The following CDKL3 variants were observed in gnomAD, a reference collection of about 807,000 sequenced individuals.
CDKL3 encodes the protein cyclin dependent kinase like 3, also known as cyclin-dependent kinase-like 3.
Under a neutral mutation model 69.3 loss-of-function variants are expected in CDKL3, and 65 were observed. The observed-to-expected ratio is 0.94, with a 90% CI of 0.77 to 1.15. CDKL3 has a LOEUF of 1.15. Ranked by LOEUF, CDKL3 falls within the 50% of genes most tolerant of loss-of-function variation. The probability of loss-of-function intolerance (pLI) is 0.00; values close to 1 mark genes in which losing one functional copy is unlikely to be tolerated. For missense variants in CDKL3, 652 were observed against 689.2 expected (o/e 0.95, Z 0.61); for synonymous variants, 202 against 221.6 (o/e 0.91, Z 0.79).
chr5:134,371,498 C>CGGA (rs1232743216), upstream of CDKL3: 2 of 1,390,934 alleles, frequency 1.4e-6, no homozygotes, highest in East Asian at 2.9e-5. Context: ...GCGGCGGCGG[C>CGGA]GGCGGCGATC....
At chr5:134,371,536 G>A (rs1581313974), upstream of CDKL3, 1 of 1,586,996 alleles carries the variant, frequency 6.3e-7, no homozygotes, top group Non-Finnish European at 8.6e-7. Context: ...CGCGCCGGGG[G>A]GTGGGGGGGC....
chr5:134,370,532 C>T (rs1422686732), upstream of CDKL3, among the ~76,000 whole-genome samples: 2 of 152,166 alleles, frequency 1.3e-5, no homozygotes, highest in Non-Finnish European at 2.9e-5. Context: ...AGACTGCACC[C>T]CCACATTCCT....
At chr5:134,326,795 G>A (rs1467192767) in intron 4 of CDKL3, among the ~76,000 whole-genome samples, 1 of 142,742 alleles carries the variant, frequency 7.0e-6, no homozygotes, top group Admixed American at 7.3e-5. Flanking sequence ...TAAAGCGTGT[G>A]TGTATATATA....
chr5:134,348,375 T>C (rs1302475837), intron 4 of CDKL3, among the ~76,000 whole-genome samples: 2 of 152,202 alleles, frequency 1.3e-5, no homozygotes, highest in Admixed American at 1.3e-4. Context: ...GGTGGAGCTA[T>C]CCATTTGTTA....
intron 4 of CDKL3, among the ~76,000 whole-genome samples, chr5:134,347,589 G>A (rs1157862885): frequency 6.6e-6 from 1 of 151,438 alleles, no homozygotes. Context: ...TAAAGTGCTG[G>A]CTGGGCACGG....
intron 6 of CDKL3, among the ~76,000 whole-genome samples, chr5:134,316,405 C>G (rs1771072847): frequency 6.6e-6 from 1 of 152,132 alleles, no homozygotes; most frequent in African/African-American, 2.4e-5. Context: ...CAAGACCAGC[C>G]TGGCCAAGAC....
At chr5:134,295,385 T>C (rs890111721), downstream of CDKL3, among the ~76,000 whole-genome samples, 13 of 152,294 alleles carry the variant, frequency 8.5e-5, no homozygotes, top group Non-Finnish European at 1.5e-4. Context: ...AAAATTCCAG[T>C]AGGCATTTTT....
At chr5:134,323,053 C>G (rs540224354) in intron 4 of CDKL3, among the ~76,000 whole-genome samples, 44 of 151,394 alleles carry the variant, frequency 2.9e-4, no homozygotes, top group African/African-American at 9.7e-4. Context: ...GATAAACTGT[C>G]AAGTGAAAAA....
At chr5:134,293,668 T>C (rs1369792722), downstream of CDKL3, among the ~76,000 whole-genome samples, 1 of 151,476 alleles carries the variant, frequency 6.6e-6, no homozygotes, top group Non-Finnish European at 1.5e-5. Context: ...GATATGGCGG[T>C]GTACACCTGT....
chr5:134,334,238 A>G (rs1017441851), intron 4 of CDKL3, among the ~76,000 whole-genome samples: 1 of 151,872 alleles, frequency 6.6e-6, no homozygotes, highest in Non-Finnish European at 1.5e-5. Context: ...TATTTTGTTG[A>G]TCTTTTCAAA....
intron 2 of CDKL3, among the ~76,000 whole-genome samples, chr5:134,365,964 C>G (rs1392641018): frequency 6.6e-6 from 1 of 152,154 alleles, no homozygotes; most frequent in African/African-American, 2.4e-5. Flanking sequence ...GATTCCTTGG[C>G]ATTTATTATG....
chr5:134,341,996 G>A (rs1750618993), intron 4 of CDKL3, among the ~76,000 whole-genome samples: 2 of 152,150 alleles, frequency 1.3e-5, no homozygotes, highest in Admixed American at 1.3e-4. Context: ...GGAGAAAGCT[G>A]TTCTCCTTTC....
At position 134,366,940 on chromosome 5, in the gene CDKL3, G is replaced by T. The variant is rs989778127; in HGVS notation, c.-22+37C>A. On this transcript the variant is annotated intron_variant, in intron 1 of 12. Coordinates refer to ENST00000265334, the MANE Select transcript of CDKL3 (RefSeq NM_001113575.2). ...AAGGTCCTAAAAAAAGCCTGGTCTC[G>T]CCCGCAACTCAAACCACACGTCTTA... 6 of 990,912 alleles carry T rather than the reference G, an allele frequency of 6.1e-6. No homozygotes were observed. The South Asian group carries it at 1.8e-4, about 30-fold the overall frequency. The allele number at this position is 990,912 out of a possible 1,614,324, so 61.4% of individuals were successfully genotyped here. A position where few individuals can be genotyped will look rare whatever the true frequency, so the allele number is the denominator to read the frequency against.
At chr5:134,351,845 T>C (rs551378447) in intron 3 of CDKL3, among the ~76,000 whole-genome samples, 53 of 152,206 alleles carry the variant, frequency 3.5e-4, no homozygotes, top group Non-Finnish European at 5.6e-4. Flanking sequence ...TATGTATACA[T>C]TGTAAAATTA....
chr5:134,319,644 T>C lies in CDKL3; in HGVS notation c.653-147A>G, dbSNP rs1772205664. The C allele has an allele frequency of 6.3e-6, 5 of 794,934 alleles. No homozygotes were observed. In the South Asian group the frequency reaches 8.2e-5, roughly 13 times the overall value. 49.2% of individuals were successfully genotyped at this position (794,934 alleles called of 1,614,324 possible). On this transcript the variant is annotated intron_variant, in intron 5 of 12. Coordinates refer to ENST00000265334, the MANE Select transcript of CDKL3 (RefSeq NM_001113575.2). ...TGTATTTTAATTTTTTGAAGTTGAATAAAAACTATCTGAACATGTCATAAA... is the reference window on the plus strand; with the variant it reads ...TGTATTTTAATTTTTTGAAGTTGAACAAAAACTATCTGAACATGTCATAAA...
chr5:134,345,287 C>T (rs1025258760), intron 4 of CDKL3, among the ~76,000 whole-genome samples: 1 of 152,076 alleles, frequency 6.6e-6, no homozygotes, highest in African/African-American at 2.4e-5. Flanking sequence ...ATAAAAATAT[C>T]TCAATAATGC....
intron 4 of CDKL3, among the ~76,000 whole-genome samples, chr5:134,345,677 A>T (rs1159604801): frequency 6.6e-6 from 1 of 152,190 alleles, no homozygotes. Flanking sequence ...CAAGATGCTC[A>T]GTGGGGGAGC....
At chr5:134,288,159 G>C (rs1764958427) in intron 8 of CDKL3, among the ~76,000 whole-genome samples, 1 of 152,140 alleles carries the variant, frequency 6.6e-6, no homozygotes, top group Admixed American at 6.6e-5. Flanking sequence ...CTCCCAAAGT[G>C]CTGGGATTAT....
upstream of CDKL3, among the ~76,000 whole-genome samples, chr5:134,368,080 G>A (rs1757865818): frequency 6.6e-6 from 1 of 152,224 alleles, no homozygotes; most frequent in South Asian, 2.1e-4. Flanking sequence ...AATCTAGTCT[G>A]GTGGGTCCCA....
Sources: allele counts gnomAD v4.1 joint callset (sites outside exome capture counted in the v4.1 genomes callset), GRCh38; gene constraint gnomAD v4.1.1; transcripts MANE v1.5; gene names NCBI Gene and HGNC (gene_info 2026-07-23, HGNC 2026-07-21).